CELF4: variants seen among roughly 807,000 people sequenced by gnomAD.
The protein encoded by CELF4 is CUG-BP- and ETR-3-like factor 4.
Under a neutral mutation model 59.9 loss-of-function variants are expected in CELF4, and 18 were observed. That is an observed-to-expected ratio of 0.30 (90% CI 0.21 to 0.45). The LOEUF (loss-of-function observed/expected upper bound fraction) is 0.45, where lower values mean the gene tolerates loss of function less well. Among genes scored for constraint, CELF4 ranks in the 20% least tolerant of loss-of-function variants. The pLI is 1.00. For synonymous variants in CELF4, 261 were observed against 267.1 expected (o/e 0.98, Z 0.22); for missense variants, 456 against 689.0 (o/e 0.66, Z 3.79).
rs2067969187 is a variant in CELF4 at position 37,254,581 on chromosome 18, C to G, written c.1334-643G>C. Among the ~76,000 whole-genome samples the G allele has an allele frequency of 6.6e-6, 1 of 152,168 alleles. No homozygotes were observed. Among genetic ancestry groups the G allele is most frequent in the African/African-American group, 2.4e-5 (1 of 41,464 alleles). Reference sequence around the variant, plus strand: ...CAGGCTCCGGGTGGGCCCTGGGCGTCACCTCGCCCCGGGCGCCGTCGGCAC... The same window carrying G: ...CAGGCTCCGGGTGGGCCCTGGGCGTGACCTCGCCCCGGGCGCCGTCGGCAC... On this transcript the variant is annotated intron_variant, in intron 11 of 12. Coordinates refer to ENST00000420428, the MANE Select transcript of CELF4 (RefSeq NM_020180.4). The surrounding 1 kb of genome is among the most constrained non-coding windows in gnomAD (Gnocchi z 5.1).
intron 1 of CELF4, among the ~76,000 whole-genome samples, chr18:37,508,845 G>C (rs529311843): frequency 6.6e-6 from 1 of 152,240 alleles, no homozygotes; most frequent in Admixed American, 6.5e-5. Context: ...AACTGTGCAC[G>C]TGCTGACACA....
intron 1 of CELF4, among the ~76,000 whole-genome samples, chr18:37,506,126 C>T (rs991683982): frequency 4.0e-5 from 6 of 149,570 alleles, no homozygotes; most frequent in Non-Finnish European, 5.9e-5. Flanking sequence ...TTCTCTTAGG[C>T]GGGTGGCTGA....
chr18:37,322,795 C>A (rs368384456), intron 2 of CELF4, among the ~76,000 whole-genome samples: 51 of 152,350 alleles, frequency 3.3e-4, no homozygotes, highest in African/African-American at 9.1e-4. Flanking sequence ...CCTTACGCAC[C>A]TCCCTGAGCC....
rs2061807622 is a variant in CELF4, at chr18:37,245,713, T to C, written c.*45-516A>G. On this transcript the variant is annotated intron_variant, in intron 12 of 12. Transcript: ENST00000420428. This position sits in a 1 kb window ranked among gnomAD's most constrained non-coding sequence, Gnocchi z 4.1. The stretch of plus-strand genomic sequence containing the variant: ...CTTGCCCAGCTTCCAGCCAACCACT[T>C]CTTTCCCGGGGTCAGTAACTATTTG... 6.6e-6 allele frequency among the ~76,000 whole-genome samples: 1 copy of C among 152,168 alleles called. No homozygotes were observed. The highest frequency in any genetic ancestry group is 2.4e-5 in the African/African-American group (1 of 41,444).
intron 2 of CELF4, among the ~76,000 whole-genome samples, chr18:37,472,243 C>T (rs186393944): frequency 4.6e-5 from 7 of 152,386 alleles, no homozygotes; most frequent in African/African-American, 7.2e-5. Flanking sequence ...CCAGCTCCAG[C>T]GTCCTTATGG....
rs1294242455 is a variant in CELF4 at position 37,253,021 on chromosome 18, C to T, written c.*44+746G>A. 3.3e-5 allele frequency among the ~76,000 whole-genome samples: 5 copies of T among 151,814 alleles called. No individual in the cohort carries two copies. In the East Asian group the frequency reaches 9.7e-4, roughly 29 times the overall value. On this transcript the variant is annotated intron_variant, in intron 12 of 12. Coordinates refer to ENST00000420428, the MANE Select transcript of CELF4 (RefSeq NM_020180.4). This position sits in a 1 kb window ranked among gnomAD's most constrained non-coding sequence, Gnocchi z 4.5. ...ATGTCCTGGGGAATCTCCCCCCATT[C>T]TTTCTGCAGGAAGAACTTTGCTCAG...
chr18:37,506,491 A>G (rs931729089), intron 1 of CELF4, among the ~76,000 whole-genome samples: 4 of 152,214 alleles, frequency 2.6e-5, no homozygotes, highest in Non-Finnish European at 5.9e-5. Context: ...TCATGGGCAC[A>G]GAGGTGACTT....
chr18:37,384,076 T>G (rs540021936), intron 2 of CELF4, among the ~76,000 whole-genome samples: 1 of 152,194 alleles, frequency 6.6e-6, no homozygotes, highest in Admixed American at 6.5e-5. Context: ...ATTGGGAGAC[T>G]GGGCAGAGAC....
chr18:37,378,218 C>T (rs1011628376), intron 2 of CELF4, among the ~76,000 whole-genome samples: 7 of 152,198 alleles, frequency 4.6e-5, no homozygotes, highest in African/African-American at 1.7e-4. Flanking sequence ...GAGGACTGCT[C>T]GCCCCACGCC....
chr18:37,402,725 C>A (rs1449505123), intron 2 of CELF4, among the ~76,000 whole-genome samples: 16 of 152,188 alleles, frequency 1.1e-4, no homozygotes, highest in Non-Finnish European at 2.4e-4. Flanking sequence ...TTTCTCCCCC[C>A]ATAACAGAGC....
rs554949665 is a variant in CELF4 at position 37,268,351 on chromosome 18, CT to C, written c.1100-1754del. ...TCTCCTCTCTGCCTTCCCTCTGCCC[CT>C]ATCCTCTGCCAGCCTCTAAGCTCTA... On this transcript the variant is annotated intron_variant, in intron 8 of 12. Coordinates refer to ENST00000420428, the MANE Select transcript of CELF4 (RefSeq NM_020180.4). Among the ~76,000 whole-genome samples the C allele has an allele frequency of 1.8e-4, 27 of 152,330 alleles. No homozygotes were observed. In the East Asian group the frequency reaches 4.8e-3, roughly 27 times the overall value.
chr18:37,341,207 T>C (rs1318455091), intron 2 of CELF4, among the ~76,000 whole-genome samples: 2 of 152,194 alleles, frequency 1.3e-5, no homozygotes, highest in African/African-American at 4.8e-5. Context: ...TGTGGCTGTG[T>C]GTCCTCCCAG....
intron 1 of CELF4, among the ~76,000 whole-genome samples, chr18:37,549,916 C>G (rs1013246248): frequency 6.6e-6 from 1 of 152,078 alleles, no homozygotes; most frequent in African/African-American, 2.4e-5. Flanking sequence ...CATATCATAT[C>G]CCCAGCTCAG....
intron 2 of CELF4, among the ~76,000 whole-genome samples, chr18:37,357,015 C>T (rs73427273): frequency 1.4e-3 from 209 of 152,346 alleles, no homozygotes; most frequent in African/African-American, 4.8e-3. Context: ...CCCATTCATC[C>T]ACCTGCCCCA....
intron 1 of CELF4, among the ~76,000 whole-genome samples, chr18:37,525,847 T>A (rs1345416064): frequency 6.6e-6 from 1 of 152,184 alleles, no homozygotes; most frequent in Non-Finnish European, 1.5e-5. Flanking sequence ...TTGTTCACAG[T>A]CTCATAGAGG....
rs144624108 is a variant in CELF4, at chr18:37,482,310, G to T, written c.369+3215C>A. ...GAATAGAGGAGCATGGGCAGGAAAA[G>T]AACAGGAAGTCAGGAAAGAGTGAGA... is the stretch of plus-strand genomic sequence containing the variant. On this transcript the variant is annotated intron_variant, in intron 2 of 12. Transcript: ENST00000420428. 2.0e-3 allele frequency among the ~76,000 whole-genome samples: 311 copies of T among 152,282 alleles called. 3 individuals carry two copies. Among genetic ancestry groups the T allele is most frequent in the Non-Finnish European group, 4.0e-3 (271 of 68,024 alleles).
intron 1 of CELF4, among the ~76,000 whole-genome samples, chr18:37,555,165 A>T (rs2099984387): frequency 6.6e-6 from 1 of 152,032 alleles, no homozygotes; most frequent in Non-Finnish European, 1.5e-5. Flanking sequence ...GGCTCATGCC[A>T]CCCCTTTGGA....
chr18:37,405,711 A>AC (rs2099383679), intron 2 of CELF4, among the ~76,000 whole-genome samples: 1 of 152,212 alleles, frequency 6.6e-6, no homozygotes, highest in Non-Finnish European at 1.5e-5. Context: ...TTCCCGCTAA[A>AC]AGCAGGAGTC....
chr18:37,444,070 A>G (rs1383583471), intron 2 of CELF4, among the ~76,000 whole-genome samples: 9 of 152,148 alleles, frequency 5.9e-5, no homozygotes, highest in Non-Finnish European at 1.3e-4. Flanking sequence ...CCCTGCCTCA[A>G]TGTTCTCATC....
Sources: gnomAD v4.1 joint callset for allele counts (sites outside exome capture counted in the v4.1 genomes callset) on GRCh38, gnomAD v4.1.1 for gene constraint, Gnocchi (gnomAD v3.1) non-coding constraint, MANE v1.5 for transcripts, NCBI Gene and HGNC (gene_info 2026-07-23, HGNC 2026-07-21) for gene names.